The following TRPM3 variants were observed in gnomAD, a reference collection of about 807,000 sequenced individuals.
The protein encoded by TRPM3 is long transient receptor potential channel 3.
Under a neutral mutation model 181.2 loss-of-function variants are expected in TRPM3, and 77 were observed. The observed-to-expected ratio is 0.42, with a 90% CI of 0.35 to 0.51. The LOEUF is 0.51. Among genes scored for constraint, TRPM3 ranks in the 20% least tolerant of loss-of-function variants. The probability of loss-of-function intolerance (pLI) is 0.01; values close to 1 mark genes in which losing one functional copy is unlikely to be tolerated. For synonymous variants in TRPM3, 745 were observed against 796.4 expected, an observed-to-expected ratio of 0.94 and a Z score of 1.09; for missense variants, 1,759 against 2,196.7, an observed-to-expected ratio of 0.80 and a Z score of 3.98.
intron 1 of TRPM3, among the ~76,000 whole-genome samples, chr9:71,095,382 G>T (rs907281489): frequency 3.8e-5 from 1 of 26,278 alleles, no homozygotes; most frequent in Non-Finnish European, 6.0e-5. Context: ...GGGGCACGAC[G>T]GGAGATCCTC....
At chr9:70,782,360 T>A (rs542569986) in intron 7 of TRPM3, among the ~76,000 whole-genome samples, 1 of 152,204 alleles carries the variant, frequency 6.6e-6, no homozygotes, top group South Asian at 2.1e-4. Flanking sequence ...TACAGGCACA[T>A]GCCACCACAC....
intron 1 of TRPM3, among the ~76,000 whole-genome samples, chr9:71,226,174 C>A (rs952283704): frequency 5.3e-5 from 8 of 150,778 alleles, no homozygotes; most frequent in South Asian, 2.1e-4. Context: ...AATTTAAAAA[C>A]ATGCAATGGA....
intron 15 of TRPM3, among the ~76,000 whole-genome samples, 154 bp downstream of exon 15, chr9:70,621,090 A>G (rs563534891): frequency 3.1e-4 from 45 of 146,970 alleles, no homozygotes; most frequent in African/African-American, 1.1e-3. Context: ...TATATATACT[A>G]TATATTTATA....
At chr9:70,989,949 T>C (rs1222525451) in intron 1 of TRPM3, among the ~76,000 whole-genome samples, 1 of 152,158 alleles carries the variant, frequency 6.6e-6, no homozygotes, top group African/African-American at 2.4e-5. Flanking sequence ...CCAGACCCTA[T>C]TGAGGGCACC....
chr9:70,956,884 TC>T (rs2097079263), intron 1 of TRPM3, among the ~76,000 whole-genome samples: 1 of 148,886 alleles, frequency 6.7e-6, no homozygotes, highest in South Asian at 2.1e-4. Context: ...AGACCATATC[TC>T]CCCTGCCAAA....
intron 5 of TRPM3, among the ~76,000 whole-genome samples, chr9:70,838,306 A>C (rs900175905): frequency 2.0e-5 from 3 of 152,128 alleles, no homozygotes; most frequent in Non-Finnish European, 4.4e-5. Flanking sequence ...TTCCAAGGCG[A>C]TAATGAGGAG....
chr9:70,622,962 AT>A (rs1175660395), intron 14 of TRPM3, among the ~76,000 whole-genome samples: 1 of 151,760 alleles, frequency 6.6e-6, no homozygotes, highest in African/African-American at 2.4e-5. Context: ...TGTTATATAT[AT>A]TTTTTCATTT....
At chr9:71,196,730 A>G (rs2078393052) in intron 1 of TRPM3, among the ~76,000 whole-genome samples, 1 of 152,072 alleles carries the variant, frequency 6.6e-6, no homozygotes, top group African/African-American at 2.4e-5. Context: ...GTTATTTAGC[A>G]GTATTTGTAG....
intron 1 of TRPM3, among the ~76,000 whole-genome samples, chr9:71,366,355 G>A (rs1473825219): frequency 6.6e-6 from 1 of 152,134 alleles, no homozygotes; most frequent in Non-Finnish European, 1.5e-5. Context: ...AGTGGGACAG[G>A]GAGGGGCATG....
intron 14 of TRPM3, among the ~76,000 whole-genome samples, chr9:70,623,687 G>T (rs962974519): frequency 6.6e-6 from 1 of 152,130 alleles, no homozygotes; most frequent in African/African-American, 2.4e-5. Flanking sequence ...GAATGGCCTT[G>T]TTGAGGTCTA....
Position 70,648,376 on chromosome 9 carries a change from C to T in TRPM3, c.1346-7716G>A, listed in dbSNP as rs369266485. Among the ~76,000 whole-genome samples, 219 of 151,898 alleles carry T rather than the reference C, an allele frequency of 1.4e-3. 3 individuals are homozygous for T. The South Asian group carries it at 0.02, about 14-fold the overall frequency. ...TTGTGGTCCCAGCCACTTGGGAGGC[C>T]GAGATGGGAGGATCACTTGAGCCTG... On this transcript the variant is annotated intron_variant, in intron 9 of 25. Coordinates refer to ENST00000677713, the MANE Select transcript of TRPM3 (RefSeq NM_001366145.2).
intron 24 of TRPM3, among the ~76,000 whole-genome samples, chr9:70,551,939 C>T (rs2046560044): frequency 6.6e-6 from 1 of 152,198 alleles, no homozygotes; most frequent in South Asian, 2.1e-4. Context: ...ATTGCAAGGT[C>T]AGGGAGGGTG....
At chr9:71,259,721 G>A (rs1312805684) in intron 1 of TRPM3, among the ~76,000 whole-genome samples, 2 of 151,932 alleles carry the variant, frequency 1.3e-5, no homozygotes, top group African/African-American at 2.4e-5. Flanking sequence ...CACATTCTTT[G>A]CCCACTTTTT....
At chr9:70,822,931 C>T (rs375168917) in intron 6 of TRPM3, among the ~76,000 whole-genome samples, 5 of 152,028 alleles carry the variant, frequency 3.3e-5, no homozygotes, top group Admixed American at 1.3e-4. Context: ...AGCAAGGGCC[C>T]GGTGTTTTCA....
At chr9:70,610,444 C>T (rs553606779) in intron 19 of TRPM3, among the ~76,000 whole-genome samples, 165 bp downstream of exon 19, 7 of 152,302 alleles carry the variant, frequency 4.6e-5, no homozygotes, top group Admixed American at 3.9e-4. Flanking sequence ...AGCTGCCTAA[C>T]AAACGCCACA....
rs888313476 is a variant in TRPM3, at chr9:70,532,384, G to A, written c.*3569C>T. The A allele has an allele frequency of 2.0e-5, 3 of 152,030 alleles. No individual in the cohort carries two copies. Among genetic ancestry groups the A allele is most frequent in the African/African-American group, 7.2e-5 (3 of 41,466 alleles). The allele number at this position is 152,030 out of a possible 1,614,324, so 9.4% of individuals were successfully genotyped here. On this transcript the variant is annotated 3_prime_UTR_variant, in exon 26 of 26. Transcript: ENST00000677713. ...TATTCTTATATATATATTTTAAAAGGGGAACTTTCAAAGTGCTAAATAATA... is the reference window on the plus strand; with the variant it reads ...TATTCTTATATATATATTTTAAAAGAGGAACTTTCAAAGTGCTAAATAATA...
chr9:71,376,355 A>C (rs953053806), intron 1 of TRPM3, among the ~76,000 whole-genome samples: 1 of 152,084 alleles, frequency 6.6e-6, no homozygotes, highest in African/African-American at 2.4e-5. Context: ...TTTCCCTTGC[A>C]AGTGATTTAC....
chr9:71,304,604 T>A (rs1220691194), intron 1 of TRPM3, among the ~76,000 whole-genome samples: 1 of 152,202 alleles, frequency 6.6e-6, no homozygotes, highest in Non-Finnish European at 1.5e-5. Context: ...AATCTCTGCA[T>A]ATTGAATAGT....
At chr9:70,794,466 C>T (rs1436123652) in intron 6 of TRPM3, among the ~76,000 whole-genome samples, 1 of 152,124 alleles carries the variant, frequency 6.6e-6, no homozygotes, top group Admixed American at 6.5e-5. Flanking sequence ...ACATGGACCC[C>T]AAGACTTGCT....
Sources: gnomAD v4.1 joint callset for allele counts (sites outside exome capture counted in the v4.1 genomes callset) on GRCh38, gnomAD v4.1.1 for gene constraint, MANE v1.5 for transcripts, NCBI Gene and HGNC (gene_info 2026-07-23, HGNC 2026-07-21) for gene names.